The following ANKRD36C variants were observed in gnomAD, a reference collection of about 807,000 sequenced individuals.
The protein encoded by ANKRD36C is ankyrin repeat domain 36C.
ANKRD36C carries 61 observed loss-of-function variants against 276.4 expected under a neutral mutation model. That is an observed-to-expected ratio of 0.22 (90% CI 0.18 to 0.27). ANKRD36C has a LOEUF of 0.27. ANKRD36C is among the 10% of genes least tolerant of loss of function. The pLI, the probability that ANKRD36C is intolerant of heterozygous loss-of-function variation, is 1.00. For missense variants in ANKRD36C, 1,447 were observed against 2,032.3 expected, an observed-to-expected ratio of 0.71 and a Z score of 5.54; for synonymous variants, 483 against 680.1, an observed-to-expected ratio of 0.71 and a Z score of 4.51.
At chr2:95,915,436 T>A (rs1677063392) in intron 38 of ANKRD36C, among the ~76,000 whole-genome samples, 1 of 151,502 alleles carries the variant, frequency 6.6e-6, no homozygotes, top group Non-Finnish European at 1.5e-5. Flanking sequence ...TCCAAATGCA[T>A]CTGAAGTGAG....
intron 19 of ANKRD36C, among the ~76,000 whole-genome samples, chr2:95,942,540 A>G (rs1677923412): frequency 1.3e-5 from 2 of 152,272 alleles, no homozygotes; most frequent in Admixed American, 1.3e-4. Flanking sequence ...CTACTAAAAT[A>G]TAAGAGAGAA....
chr2:95,866,844 A>G (rs1675691631), intron 60 of ANKRD36C, among the ~76,000 whole-genome samples: 1 of 152,162 alleles, frequency 6.6e-6, no homozygotes, highest in South Asian at 2.1e-4. Context: ...ATCAAATGGT[A>G]CCTTTTACAT....
Position 95,919,883 on chromosome 2 carries a change from T to C in ANKRD36C, c.2245+1724A>G, listed in dbSNP as rs1394975886. 2.3e-5 allele frequency: 35 copies of C among 1,543,102 alleles called. 2 individuals are homozygous for C. The highest frequency in any genetic ancestry group is 1.3e-5 in the Non-Finnish European group (15 of 1,145,388). ...TCATAGACTACAATGTAAATGAGAG[T>C]TTAATTACCTTCAAGGCTGGTTGTT... On this transcript the variant is annotated intron_variant, in intron 34 of 66. Transcript: ENST00000456556.
At chr2:95,960,807 G>A (rs1678441809) in intron 8 of ANKRD36C, 140 bp from the exon 9 acceptor site, 2 of 545,184 alleles carry the variant, frequency 3.7e-6, no homozygotes, top group East Asian at 3.1e-5. Context: ...TGTGTATTGG[G>A]ACAGGAACAT....
rs937830917 is a variant in ANKRD36C at position 95,852,311 on chromosome 2, T to C, written c.5149-115A>G. 5 of 830,520 alleles carry C rather than the reference T, an allele frequency of 6.0e-6. No homozygotes were observed. In the Admixed American group the frequency reaches 1.1e-4, roughly 18 times the overall value. 51.4% of individuals were successfully genotyped at this position (830,520 alleles called of 1,614,324 possible). On this transcript the variant is annotated intron_variant, in intron 64 of 66. Transcript: ENST00000456556. ...TTTTAGACTATCAGAATCTTTTTTA[T>C]TTATAAAAGGTCATAATCTAGGAGA...
intron 6 of ANKRD36C, among the ~76,000 whole-genome samples, chr2:95,977,695 G>A (rs1339990403): frequency 6.6e-6 from 1 of 152,006 alleles, no homozygotes; most frequent in Non-Finnish European, 1.5e-5. Flanking sequence ...CATGGGGATT[G>A]GCAGCACTAA....
chr2:95,882,310 G>T, exon 56 of ANKRD36C: 1 of 1,550,926 alleles, frequency 6.4e-7, no homozygotes, highest in Non-Finnish European at 8.7e-7. Context: ...ACCTGTTCCA[G>T]ATTTCCAACC....
chr2:95,982,107 G>C (rs1352918335), intron 4 of ANKRD36C, 149 bp downstream of exon 4: 1 of 624,684 alleles, frequency 1.6e-6, no homozygotes, highest in East Asian at 2.9e-5. Context: ...TTCTAACTAA[G>C]GGATGATCTG....
rs191945845 is a variant in ANKRD36C, at chr2:95,916,261, C to G, written c.2348-90G>C. Reference sequence around the variant, plus strand: ...CACAGTGTTAGCATCAACCTCTGAACTCCTGCCTGTATTAGTGGAGGCTTT... The same window carrying G: ...CACAGTGTTAGCATCAACCTCTGAAGTCCTGCCTGTATTAGTGGAGGCTTT... On this transcript the variant is annotated intron_variant, in intron 36 of 66. Transcript: ENST00000456556. The G allele has an allele frequency of 3.2e-6, 5 of 1,572,692 alleles. No individual in the cohort carries two copies. The Admixed American group carries it at 8.9e-5, about 28-fold the overall frequency.
intron 24 of ANKRD36C, among the ~76,000 whole-genome samples, chr2:95,934,310 C>A (rs1219491591): frequency 4.0e-5 from 6 of 151,888 alleles, no homozygotes; most frequent in Non-Finnish European, 4.4e-5. Flanking sequence ...ACATCTATGT[C>A]TATTGCAGCA....
chr2:95,908,749 A>G, intron 42 of ANKRD36C, 52 bp from the exon 47 acceptor site: 8 of 1,537,318 alleles, frequency 5.2e-6, no homozygotes, highest in Non-Finnish European at 7.0e-6. Flanking sequence ...TGACAAAATT[A>G]TCCACATATT....
chr2:95,972,318 A>C (rs1678716524), intron 6 of ANKRD36C, among the ~76,000 whole-genome samples: 1 of 152,222 alleles, frequency 6.6e-6, no homozygotes, highest in South Asian at 2.1e-4. Context: ...CTATGTAACT[A>C]GTTTCCATAA....
chr2:95,903,159 T>G, intron 42 of ANKRD36C, 78 bp from the exon 53 acceptor site: 2 of 1,525,764 alleles, frequency 1.3e-6, no homozygotes, highest in Non-Finnish European at 1.8e-6. Context: ...AGTGTTAGCA[T>G]CAACCTCTGT....
chr2:95,954,305 A>G (rs1321631290), intron 13 of ANKRD36C, among the ~76,000 whole-genome samples: 2 of 152,158 alleles, frequency 1.3e-5, no homozygotes, highest in Non-Finnish European at 2.9e-5. Context: ...GTGGCCAGAC[A>G]ATAATTTGTC....
At chr2:95,915,010 C>A (rs1677051094) in intron 38 of ANKRD36C, among the ~76,000 whole-genome samples, 1 of 151,506 alleles carries the variant, frequency 6.6e-6, no homozygotes, top group South Asian at 2.1e-4. Context: ...CATCCATTAT[C>A]AATTTTGACA....
At chr2:95,991,800 T>G (rs867411659), upstream of ANKRD36C, 2 of 1,257,702 alleles carry the variant, frequency 1.6e-6, no homozygotes, top group South Asian at 1.4e-5. Flanking sequence ...CAAAGCAGTC[T>G]GTCCACGGAC....
chr2:95,908,862 G>A (rs1168670713), intron 42 of ANKRD36C, among the ~76,000 whole-genome samples, 165 bp from the exon 47 acceptor site: 1 of 151,308 alleles, frequency 6.6e-6, no homozygotes, highest in Non-Finnish European at 1.5e-5. Context: ...GAAATACGCT[G>A]AGAAAAGGGA....
chr2:95,976,124 A>C (rs1192643000), intron 6 of ANKRD36C, among the ~76,000 whole-genome samples: 2 of 152,180 alleles, frequency 1.3e-5, no homozygotes, highest in African/African-American at 2.4e-5. Flanking sequence ...AAAAGTCAGG[A>C]AACAACAGGT....
At chr2:95,861,201 A>T (rs201928781) in intron 60 of ANKRD36C, among the ~76,000 whole-genome samples, 21 of 151,700 alleles carry the variant, frequency 1.4e-4, no homozygotes, top group Non-Finnish European at 2.7e-4. Context: ...GTTTTTTTTT[A>T]AAAAAAACAC....
Sources: allele counts gnomAD v4.1 joint callset (sites outside exome capture counted in the v4.1 genomes callset), GRCh38; gene constraint gnomAD v4.1.1; transcripts MANE v1.5; gene names NCBI Gene and HGNC (gene_info 2026-07-23, HGNC 2026-07-21).